Variants in NUDT5 observed in about 807,000 individuals in gnomAD.
NUDT5 encodes nudix hydrolase 5, also known as ADP-sugar pyrophosphatase.
NUDT5 carries 21 observed loss-of-function variants against 34.1 expected under a neutral mutation model. That is an observed-to-expected ratio of 0.62 (90% CI 0.44 to 0.89). The LOEUF (loss-of-function observed/expected upper bound fraction) is 0.89, where lower values mean the gene tolerates loss of function less well. Among genes scored for constraint, NUDT5 ranks in the 40% least tolerant of loss-of-function variants. The probability of loss-of-function intolerance (pLI) is 0.00; values close to 1 mark genes in which losing one functional copy is unlikely to be tolerated. For synonymous variants in NUDT5, 85 were observed against 97.6 expected, an observed-to-expected ratio of 0.87 and a Z score of 0.76; for missense variants, 249 against 274.8, an observed-to-expected ratio of 0.91 and a Z score of 0.66.
intron 5 of NUDT5, among the ~76,000 whole-genome samples, chr10:12,176,378 T>C (rs1834950269): frequency 6.6e-6 from 1 of 151,876 alleles, no homozygotes; most frequent in Non-Finnish European, 1.5e-5. Flanking sequence ...CCAAGGTGGG[T>C]GGATCACCTG....
intron 1 of NUDT5, among the ~76,000 whole-genome samples, chr10:12,190,874 A>G (rs927279074): frequency 6.6e-6 from 1 of 151,728 alleles, no homozygotes; most frequent in Non-Finnish European, 1.5e-5. Context: ...CTCCCACAGC[A>G]CTGGGATTAC....
chr10:12,180,531 G>A (rs538407253), intron 3 of NUDT5: 2 of 152,312 alleles, frequency 1.3e-5, no homozygotes, highest in East Asian at 3.9e-4. Context: ...CATTATCGTG[G>A]TTAAGGTGAA....
At position 12,173,211 on chromosome 10, in the gene NUDT5, G is replaced by C. The variant is rs920362122; in HGVS notation, c.386-345C>G. ...CTCAGGGGGTAGGAAATTCCTAAAGGCAATTGATTTTTTGAGACAGAGTTT... is the reference window on the plus strand; with the variant it reads ...CTCAGGGGGTAGGAAATTCCTAAAGCCAATTGATTTTTTGAGACAGAGTTT... On this transcript the variant is annotated intron_variant, in intron 6 of 9. Transcript: ENST00000491614. This position sits in a 1 kb window ranked among gnomAD's most constrained non-coding sequence, Gnocchi z 4.7. Among the ~76,000 whole-genome samples the C allele has an allele frequency of 3.3e-5, 5 of 152,122 alleles. No individual in the cohort carries two copies. Among genetic ancestry groups the C allele is most frequent in the Admixed American group, 3.3e-4 (5 of 15,278 alleles).
chr10:12,190,828 C>T (rs868590545), intron 1 of NUDT5, among the ~76,000 whole-genome samples: 8 of 151,628 alleles, frequency 5.3e-5, no homozygotes. Context: ...AGGCTGGTTT[C>T]GAACTCCTGA....
At position 12,172,566 on chromosome 10, in the gene NUDT5, G is replaced by A. The variant is rs536382043; in HGVS notation, c.487+199C>T. 1.5e-4 allele frequency: 90 copies of A among 593,076 alleles called. No individual in the cohort carries two copies. The African/African-American group carries it at 1.5e-3, about 10-fold the overall frequency. The allele number at this position is 593,076 out of a possible 1,614,324, so 36.7% of individuals were successfully genotyped here. The stretch of plus-strand genomic sequence containing the variant: ...CATTTAACATTTTTTTACAAAGAAA[G>A]CGTAAAGATGAATGAAGTGGCAAAA... On this transcript the variant is annotated intron_variant, in intron 7 of 9. Transcript: ENST00000491614.
chr10:12,194,928 T>A (rs1053290230), intron 1 of NUDT5, among the ~76,000 whole-genome samples: 2 of 152,122 alleles, frequency 1.3e-5, no homozygotes, highest in Non-Finnish European at 2.9e-5. Flanking sequence ...TTTGGGAGGC[T>A]GAGGCGGGCA....
intron 7 of NUDT5, 74 bp downstream of exon 7, chr10:12,172,691 A>C (rs1008758456): frequency 7.3e-6 from 7 of 959,870 alleles, no homozygotes; most frequent in African/African-American, 1.6e-5. Context: ...TTCTTTTAAT[A>C]AATCAAACTA....
At chr10:12,178,821 G>A (rs1834998254) in intron 4 of NUDT5, among the ~76,000 whole-genome samples, 1 of 152,158 alleles carries the variant, frequency 6.6e-6, no homozygotes, top group Non-Finnish European at 1.5e-5. Flanking sequence ...ACACAGGTGT[G>A]GCTTCAAACT....
At position 12,166,309 on chromosome 10, in the gene NUDT5, CT is replaced by C. The variant is rs1268837746; in HGVS notation, c.*1392del. The C allele has an allele frequency of 6.5e-6, 1 of 154,380 alleles. No homozygotes were observed. The highest frequency in any genetic ancestry group is 1.4e-5 in the Non-Finnish European group (1 of 69,404). The allele number at this position is 154,380 out of a possible 1,614,324, so 9.6% of individuals were successfully genotyped here. A position where few individuals can be genotyped will look rare whatever the true frequency, so the allele number is the denominator to read the frequency against. On this transcript the variant is annotated 3_prime_UTR_variant, in exon 10 of 10. Coordinates refer to ENST00000491614, the MANE Select transcript of NUDT5 (RefSeq NM_014142.4). Reference sequence around the variant, plus strand: ...TTTCAGACCTAAGGAAGAGTTAGAGCTTTGGAGAATCACAATGCCTGTGATT... The same window carrying C: ...TTTCAGACCTAAGGAAGAGTTAGAGCTTGGAGAATCACAATGCCTGTGATT...
In NUDT5 at chr10:12,167,609, G is replaced by A; in HGVS notation, c.*93C>T. On this transcript the variant is annotated 3_prime_UTR_variant, in exon 10 of 10. Transcript: ENST00000491614. ...GCTTTTATTTTACGAAAAAGCTAAT[G>A]GCAAATCTACATTAAACTAAGTTGA... 8.0e-7 allele frequency: 1 copy of A among 1,242,272 alleles called. No individual in the cohort carries two copies. The highest frequency in any genetic ancestry group is 1.2e-6 in the Non-Finnish European group (1 of 866,766). The allele number at this position is 1,242,272 out of a possible 1,614,324, so 77.0% of individuals were successfully genotyped here.
intron 6 of NUDT5, 53 bp from the exon 7 acceptor site, chr10:12,172,919 C>T: frequency 7.5e-7 from 1 of 1,336,994 alleles, no homozygotes; most frequent in Non-Finnish European, 1.1e-6. Context: ...ATTTGTTTCA[C>T]TATGGTCTTA....
At chr10:12,188,845 T>C (rs1008547639) in intron 1 of NUDT5, among the ~76,000 whole-genome samples, 3 of 151,936 alleles carry the variant, frequency 2.0e-5, no homozygotes, top group Non-Finnish European at 4.4e-5. Flanking sequence ...ACAAAATTTA[T>C]GTCAAGTGAC....
chr10:12,190,648 A>G (rs2131719279), intron 1 of NUDT5, among the ~76,000 whole-genome samples: 1 of 141,530 alleles, frequency 7.1e-6, no homozygotes, highest in South Asian at 2.3e-4. Context: ...TCGCTGCAAC[A>G]CCCAGGCTGG....
At chr10:12,172,242 T>C (rs1333207536) in intron 7 of NUDT5, among the ~76,000 whole-genome samples, 3 of 151,894 alleles carry the variant, frequency 2.0e-5, no homozygotes, top group East Asian at 3.9e-4. Flanking sequence ...CAAAGAGAAA[T>C]AGTGAATAAT....
At chr10:12,178,956 A>G in intron 4 of NUDT5, 127 bp downstream of exon 4, 1 of 820,932 alleles carries the variant, frequency 1.2e-6, no homozygotes, top group South Asian at 1.5e-5. Flanking sequence ...ATAGTATGGC[A>G]AAACCTAAGC....
At chr10:12,195,088 A>G (rs1385874754) in intron 1 of NUDT5, among the ~76,000 whole-genome samples, 1 of 152,194 alleles carries the variant, frequency 6.6e-6, no homozygotes, top group Non-Finnish European at 1.5e-5. Context: ...TAAACCCAGG[A>G]GGCGGAGGTT....
rs1834676568 is a variant in NUDT5 at position 12,165,994 on chromosome 10, AT to A, written c.*1707del. ...GTTTTTAAATGCAGGGCAAATAAAC[AT>A]TTTTAAACAGTGCCAGCCAGACTGC... is the stretch of plus-strand genomic sequence containing the variant. On this transcript the variant is annotated 3_prime_UTR_variant, in exon 10 of 10. Transcript: ENST00000491614. 6.6e-6 allele frequency: 1 copy of A among 152,216 alleles called. No individual in the cohort carries two copies. Among genetic ancestry groups the A allele is most frequent in the South Asian group, 2.1e-4 (1 of 4,836 alleles). 9.4% of individuals were successfully genotyped at this position (152,216 alleles called of 1,614,324 possible).
rs1834760048 is a variant in NUDT5, at chr10:12,168,311, A to G, written c.551-500T>C. Among the ~76,000 whole-genome samples, 1 of 152,200 alleles carries G rather than the reference A, an allele frequency of 6.6e-6. No homozygotes were observed. The highest frequency in any genetic ancestry group is 2.1e-4 in the South Asian group (1 of 4,838). On this transcript the variant is annotated intron_variant, in intron 9 of 9. Coordinates refer to ENST00000491614, the MANE Select transcript of NUDT5 (RefSeq NM_014142.4). This position sits in a 1 kb window ranked among gnomAD's most constrained non-coding sequence, Gnocchi z 4.8. ...AGTGCTGGGATTACAGGCGTGAGCT[A>G]CCGCACCCAGCCAGGGATGATTTTA...
In NUDT5 at chr10:12,175,404, G is replaced by T. The variant is rs892448624; in HGVS notation, c.290-1591C>A. ...CTCACGCCTGTAATCCCAACACTTT[G>T]GGAGGCTGAGGCAGGAGGATCACTT... On this transcript the variant is annotated intron_variant, in intron 5 of 9. Transcript: ENST00000491614. This position sits in a 1 kb window ranked among gnomAD's most constrained non-coding sequence, Gnocchi z 4.8. Among the ~76,000 whole-genome samples, 5 of 152,184 alleles carry T rather than the reference G, an allele frequency of 3.3e-5. No homozygotes were observed. The highest frequency in any genetic ancestry group is 7.3e-5 in the Non-Finnish European group (5 of 68,032).
Sources: allele counts gnomAD v4.1 joint callset (sites outside exome capture counted in the v4.1 genomes callset), GRCh38; gene constraint gnomAD v4.1.1; non-coding constraint Gnocchi (gnomAD v3.1); transcripts MANE v1.5; gene names NCBI Gene and HGNC (gene_info 2026-07-23, HGNC 2026-07-21).